TAFA2: variants seen among roughly 807,000 people sequenced by gnomAD.
TAFA2 encodes the protein chemokine-like protein TAFA-2.
TAFA2 carries 7 observed loss-of-function variants against 18.8 expected under a neutral mutation model. The ratio of observed to expected loss-of-function variants is 0.37; its 90% CI spans 0.21 to 0.70. TAFA2 has a LOEUF of 0.70. Among genes scored for constraint, TAFA2 ranks in the 30% least tolerant of loss-of-function variants. The pLI is 0.53. For missense variants in TAFA2, 122 were observed against 158.1 expected (o/e 0.77, Z 1.23); for synonymous variants, 60 against 54.2 (o/e 1.11, Z -0.47).
intron 1 of TAFA2, among the ~76,000 whole-genome samples, chr12:61,871,691 T>C (rs1419738457): frequency 6.6e-6 from 1 of 152,218 alleles, no homozygotes; most frequent in Non-Finnish European, 1.5e-5. Context: ...CGATTAAATC[T>C]CCTGGACTTT....
intron 2 of TAFA2, among the ~76,000 whole-genome samples, chr12:61,845,486 C>T (rs537897654): frequency 6.6e-6 from 1 of 152,290 alleles, no homozygotes; most frequent in East Asian, 1.9e-4. Flanking sequence ...ACACAGTTAC[C>T]TTGAAACATT....
At chr12:62,256,106 TA>T (rs2062937584) in intron 1 of TAFA2, among the ~76,000 whole-genome samples, 1 of 151,862 alleles carries the variant, frequency 6.6e-6, no homozygotes, top group Non-Finnish European at 1.5e-5. Flanking sequence ...CTGTCTCTAC[TA>T]AAAATACAAA....
intron 1 of TAFA2, among the ~76,000 whole-genome samples, chr12:61,905,881 A>G (rs371373989): frequency 1.3e-5 from 2 of 152,200 alleles, no homozygotes; most frequent in African/African-American, 4.8e-5. Flanking sequence ...ACACACTCAC[A>G]CACAGGCCCC....
chr12:61,830,412 C>A (rs1394404147), intron 2 of TAFA2, among the ~76,000 whole-genome samples: 1 of 151,326 alleles, frequency 6.6e-6, no homozygotes, highest in Non-Finnish European at 1.5e-5. Context: ...GAATACTAGT[C>A]TGCCATAAAA....
intron 1 of TAFA2, among the ~76,000 whole-genome samples, chr12:62,069,868 A>G (rs1882583149): frequency 6.6e-6 from 1 of 152,224 alleles, no homozygotes; most frequent in Non-Finnish European, 1.5e-5. Context: ...TAACACTTTT[A>G]TTTAGATTAA....
chr12:61,816,839 T>C lies in TAFA2; in HGVS notation c.106+50481A>G, dbSNP rs74095467. On this transcript the variant is annotated intron_variant, in intron 2 of 4. Coordinates refer to ENST00000416284, the MANE Select transcript of TAFA2 (RefSeq NM_178539.5). ...ATACTTATTGCTGGATTTATTGTCC[T>C]TCTCACATCTGACTGAACACTTGGA... 3.7e-3 allele frequency among the ~76,000 whole-genome samples: 559 copies of C among 150,992 alleles called. 31 individuals carry two copies. Among genetic ancestry groups the C allele is most frequent in the African/African-American group, 0.014 (551 of 40,336 alleles).
chr12:62,257,460 G>C (rs2062946349), intron 1 of TAFA2, among the ~76,000 whole-genome samples: 1 of 151,968 alleles, frequency 6.6e-6, no homozygotes, highest in Non-Finnish European at 1.5e-5. Context: ...CTTAATTGTT[G>C]AGTAAAAGAA....
At chr12:62,196,495 C>A (rs1449217260), upstream of TAFA2, among the ~76,000 whole-genome samples, 2 of 152,108 alleles carry the variant, frequency 1.3e-5, no homozygotes, top group African/African-American at 2.4e-5. Flanking sequence ...CACTTACAGA[C>A]CACTGTAGGG....
intron 1 of TAFA2, among the ~76,000 whole-genome samples, chr12:61,908,766 T>C (rs1876476940): frequency 6.6e-6 from 1 of 152,148 alleles, no homozygotes; most frequent in Non-Finnish European, 1.5e-5. Flanking sequence ...GGCAAACCTC[T>C]TTATGGAGCA....
intron 1 of TAFA2, among the ~76,000 whole-genome samples, chr12:61,988,650 A>G (rs1482743063): frequency 6.6e-6 from 1 of 152,210 alleles, no homozygotes; most frequent in Non-Finnish European, 1.5e-5. Context: ...TCAAAGGGAC[A>G]TATAATTAAA....
chr12:62,016,745 C>T (rs1880949583), intron 1 of TAFA2, among the ~76,000 whole-genome samples: 1 of 152,142 alleles, frequency 6.6e-6, no homozygotes, highest in South Asian at 2.1e-4. Flanking sequence ...ACCGCCAAGC[C>T]AGTCAAACTG....
chr12:62,128,643 G>A (rs1435808099), intron 1 of TAFA2, among the ~76,000 whole-genome samples: 1 of 151,962 alleles, frequency 6.6e-6, no homozygotes, highest in Non-Finnish European at 1.5e-5. Context: ...TCTTTCCATA[G>A]CTGTGCAGGA....
chr12:61,821,282 T>C (rs2121050546), intron 2 of TAFA2, among the ~76,000 whole-genome samples: 1 of 152,164 alleles, frequency 6.6e-6, no homozygotes, highest in South Asian at 2.1e-4. Flanking sequence ...ATTTGTAATA[T>C]AGGTTAATGA....
At chr12:62,183,816 A>G (rs1490208682) in intron 1 of TAFA2, among the ~76,000 whole-genome samples, 1 of 152,204 alleles carries the variant, frequency 6.6e-6, no homozygotes, top group Non-Finnish European at 1.5e-5. Flanking sequence ...TTGAATGAAT[A>G]TGTTTAATTA....
At chr12:61,980,628 T>A (rs1261764740) in intron 1 of TAFA2, among the ~76,000 whole-genome samples, 1 of 152,188 alleles carries the variant, frequency 6.6e-6, no homozygotes, top group Non-Finnish European at 1.5e-5. Flanking sequence ...ACAAAATCAA[T>A]GTGCAAAAAT....
intron 4 of TAFA2, among the ~76,000 whole-genome samples, chr12:61,740,349 G>A (rs1371931021): frequency 6.6e-6 from 1 of 152,014 alleles, no homozygotes; most frequent in South Asian, 2.1e-4. Flanking sequence ...GGGAGGCAAG[G>A]GGTGGGAGAG....
intron 2 of TAFA2, among the ~76,000 whole-genome samples, chr12:61,761,545 C>T (rs1312014568): frequency 1.3e-5 from 2 of 151,980 alleles, no homozygotes; most frequent in Admixed American, 1.3e-4. Flanking sequence ...ACTCCATAAA[C>T]CATTTATGAA....
intron 1 of TAFA2, among the ~76,000 whole-genome samples, chr12:62,122,379 C>T (rs974150947): frequency 6.6e-5 from 10 of 152,300 alleles, no homozygotes; most frequent in African/African-American, 2.4e-4. Flanking sequence ...TATTTCTACA[C>T]TTGAAAAAGT....
intron 2 of TAFA2, among the ~76,000 whole-genome samples, chr12:61,848,170 C>T (rs755313865): frequency 2.0e-5 from 3 of 152,154 alleles, no homozygotes; most frequent in Non-Finnish European, 2.9e-5. Flanking sequence ...CATTTGCAAA[C>T]GCAGATGAAT....
Sources: gnomAD v4.1 joint callset for allele counts (sites outside exome capture counted in the v4.1 genomes callset) on GRCh38, gnomAD v4.1.1 for gene constraint, MANE v1.5 for transcripts, NCBI Gene and HGNC (gene_info 2026-07-23, HGNC 2026-07-21) for gene names.